TIMM8A: variants seen among roughly 807,000 people sequenced by gnomAD.
TIMM8A encodes mitochondrial import inner membrane translocase subunit Tim8 A.
A neutral mutation model predicts 6.8 loss-of-function variants in TIMM8A; 2 were observed. The ratio of observed to expected loss-of-function variants is 0.30; its 90% confidence interval spans 0.12 to 0.93. The LOEUF is 0.93. TIMM8A is among the 40% of genes least tolerant of loss of function. TIMM8A has a pLI of 0.55. For synonymous variants in TIMM8A, 26 were observed against 28.5 expected, an observed-to-expected ratio of 0.91 and a Z score of 0.28; for missense variants, 34 against 75.2, an observed-to-expected ratio of 0.45 and a Z score of 2.02.
At chrX:101,348,218 C>T (rs1362317005) in intron 1 of TIMM8A, 10 of 1,107,423 alleles carry the variant, frequency 9.0e-6, no homozygotes, top group Non-Finnish European at 1.1e-5. Context: ...GTACTGGGGG[C>T]TCCGATCAGT....
In TIMM8A at chrX:101,348,704, A is replaced by C. The variant is rs782572807; in HGVS notation, c.-40T>G. 2 of 1,205,693 alleles carry C rather than the reference A, an allele frequency of 1.7e-6. No individual in the cohort carries two copies. The highest frequency in any genetic ancestry group is 2.2e-6 in the Non-Finnish European group (2 of 892,619). On this transcript the variant is annotated 5_prime_UTR_variant, in exon 1 of 2. Coordinates refer to ENST00000372902, the MANE Select transcript of TIMM8A (RefSeq NM_004085.4). Reference sequence around the variant, plus strand: ...GCTTGCAGAGACGAACTCCGCACCGACCTTCACGTGTCTCCGCGACGGAAC... The same window carrying C: ...GCTTGCAGAGACGAACTCCGCACCGCCCTTCACGTGTCTCCGCGACGGAAC...
chrX:101,348,364 G>T, intron 1 of TIMM8A, 169 bp downstream of exon 1: 1 of 1,172,105 alleles, frequency 8.5e-7, no homozygotes, highest in East Asian at 3.2e-5. Flanking sequence ...CCAGAGAAGC[G>T]GAGTCACCCT....
In TIMM8A at chrX:101,345,811, A is replaced by T. The variant is rs1208124631; in HGVS notation, c.*688T>A. The T allele has an allele frequency of 5.3e-6, 4 of 751,651 alleles. No homozygotes were observed. The African/African-American group carries it at 9.4e-5, about 18-fold the overall frequency. 61.9% of individuals were successfully genotyped at this position (751,651 alleles called of 1,213,427 possible). On this transcript the variant is annotated 3_prime_UTR_variant, in exon 2 of 2. Coordinates refer to ENST00000372902, the MANE Select transcript of TIMM8A (RefSeq NM_004085.4). ...ATAACTTATTTAGGCACATCACTGAATTTTTTGTACCCTGATATACAGGGT... is the reference window on the plus strand; with the variant it reads ...ATAACTTATTTAGGCACATCACTGATTTTTTTGTACCCTGATATACAGGGT...
rs3027653 is a variant in TIMM8A at position 101,346,273 on chromosome X, G to A, written c.*226C>T. The A allele has an allele frequency of 6.7e-3, 7,151 of 1,061,994 alleles. 21 individuals are homozygous for A. Among genetic ancestry groups the A allele is most frequent in the Non-Finnish European group, 7.9e-3 (6,554 of 826,457 alleles). 87.5% of individuals were successfully genotyped at this position (1,061,994 alleles called of 1,213,427 possible). On this transcript the variant is annotated 3_prime_UTR_variant, in exon 2 of 2. Coordinates refer to ENST00000372902, the MANE Select transcript of TIMM8A (RefSeq NM_004085.4). ...ATGCATCTAAATAGAGTTTTCTTTCGCCTGTCAATTATTTTCACAAGATTA... is the reference window on the plus strand; with the variant it reads ...ATGCATCTAAATAGAGTTTTCTTTCACCTGTCAATTATTTTCACAAGATTA...
intron 1 of TIMM8A, chrX:101,347,877 G>A (rs948305488): frequency 4.4e-5 from 9 of 203,968 alleles, no homozygotes; most frequent in Non-Finnish European, 7.5e-6. Context: ...GTACATTAAG[G>A]GAGATCTGTC....
At chrX:101,348,385 G>C (rs1555976344) in intron 1 of TIMM8A, 148 bp downstream of exon 1, 11 of 1,181,166 alleles carry the variant, frequency 9.3e-6, no homozygotes. Flanking sequence ...TCTCCCATCC[G>C]GCTAGGCCAC....
chrX:101,346,916 A>C, intron 1 of TIMM8A: 1 of 319,276 alleles, frequency 3.1e-6, no homozygotes, highest in Non-Finnish European at 5.4e-6. Context: ...AAACTGTGGC[A>C]CAGAGATACT....
chrX:101,345,710 G>A lies in TIMM8A; in HGVS notation c.*789C>T. ...CAGTGATCAGAAGAATGCAGTAAAT[G>A]GAATCTACACTAACTAACATTAGGC... is the stretch of plus-strand genomic sequence containing the variant. On this transcript the variant is annotated 3_prime_UTR_variant, in exon 2 of 2. Coordinates refer to ENST00000372902, the MANE Select transcript of TIMM8A (RefSeq NM_004085.4). 1 of 752,953 alleles carries A rather than the reference G, an allele frequency of 1.3e-6. No individual in the cohort carries two copies. The highest frequency in any genetic ancestry group is 6.7e-5 in the South Asian group (1 of 14,817). 62.1% of individuals were successfully genotyped at this position (752,953 alleles called of 1,213,427 possible). A position where few individuals can be genotyped will look rare whatever the true frequency, so the allele number is the denominator to read the frequency against.
chrX:101,346,756 CTT>C (rs781817916), intron 1 of TIMM8A, 96 bp from the exon 2 acceptor site: 22 of 907,926 alleles, frequency 2.4e-5, no homozygotes, highest in Non-Finnish European at 3.1e-5. Flanking sequence ...GAAAAAAAAA[CTT>C]TACCTAAAAA....
intron 1 of TIMM8A, 48 bp from the exon 2 acceptor site, chrX:101,346,708 A>G: frequency 8.4e-7 from 1 of 1,185,885 alleles, no homozygotes; most frequent in Non-Finnish European, 1.1e-6. Context: ...GGAAAGAAAA[A>G]GACGGTTGGG....
Position 101,345,991 on chromosome X carries a change from G to C in TIMM8A, c.*508C>G, listed in dbSNP as rs1555976036. The C allele has an allele frequency of 1.5e-6, 1 of 675,494 alleles. No individual in the cohort carries two copies. The highest frequency in any genetic ancestry group is 5.8e-5 in the African/African-American group (1 of 17,321). The allele number at this position is 675,494 out of a possible 1,213,427, so 55.7% of individuals were successfully genotyped here. On this transcript the variant is annotated 3_prime_UTR_variant, in exon 2 of 2. Transcript: ENST00000372902. ...TAAGCAAATCATCATATAGGAAAGG[G>C]AGATCAAGATAACTGAAGTGTACTG...
rs1926150834 is a variant in TIMM8A at position 101,348,661 on chromosome X, C to G, written c.4G>C (p.Asp2His). 2 of 1,211,384 alleles carry G rather than the reference C, an allele frequency of 1.7e-6. No individual in the cohort carries two copies. The highest frequency in any genetic ancestry group is 5.9e-5 in the East Asian group (2 of 33,833). Reference sequence around the variant, plus strand: ...GCCGCGGAGGAAGAGGAGGAGGAATCCATCCCAGGGCGACCAAGCTTGCAG... The same window carrying G: ...GCCGCGGAGGAAGAGGAGGAGGAATGCATCCCAGGGCGACCAAGCTTGCAG... M[D>H]SSSSSSAAGL... Residue 2 changes from aspartate (D) to histidine (H), a missense_variant, in exon 1 of 2, where the codon GAT becomes CAT. Transcript: ENST00000372902.
chrX:101,348,497 G>A, intron 1 of TIMM8A, 36 bp downstream of exon 1: 1 of 1,205,698 alleles, frequency 8.3e-7, no homozygotes, highest in Non-Finnish European at 1.1e-6. Context: ...AGGGAAAGTA[G>A]GTACAGTGTT....
At position 101,348,589 on chromosome X, in the gene TIMM8A, C is replaced by G. The variant is rs782391267; in HGVS notation, c.76G>C (p.Glu26Gln). 1 of 1,211,857 alleles carries G rather than the reference C, an allele frequency of 8.3e-7. No homozygotes were observed. The highest frequency in any genetic ancestry group is 1.8e-5 in the South Asian group (1 of 57,007). The stretch of plus-strand genomic sequence containing the variant: ...TGCTGGAAGCGCTGCTTTTGAGTCT[C>G]TACCTCGATGAAATGCTGCAACTGC... ...DPQLQHFIEV[E>Q]TQKQRFQQLV... The change falls in exon 1 of 2, where the codon GAG becomes CAG. Residue 26 changes from glutamate to glutamine, a missense_variant. Glu to Gln is a conservative substitution (Grantham distance 29, BLOSUM62 2). Coordinates refer to ENST00000372902, the MANE Select transcript of TIMM8A (RefSeq NM_004085.4).
Position 101,345,913 on chromosome X carries a change from T to C in TIMM8A, c.*586A>G, listed in dbSNP as rs1926055966. On this transcript the variant is annotated 3_prime_UTR_variant, in exon 2 of 2. Coordinates refer to ENST00000372902, the MANE Select transcript of TIMM8A (RefSeq NM_004085.4). ...CTAGATTCCTTTATAACTAAAGGCC[T>C]CTAGACTCTCAGGCTGCCTACCCTA... 1 of 752,754 alleles carries C rather than the reference T, an allele frequency of 1.3e-6. No individual in the cohort carries two copies. The highest frequency in any genetic ancestry group is 6.8e-5 in the South Asian group (1 of 14,710). 62.0% of individuals were successfully genotyped at this position (752,754 alleles called of 1,213,427 possible).
chrX:101,347,975 A>C, intron 1 of TIMM8A: 1 of 791,692 alleles, frequency 1.3e-6, no homozygotes. Flanking sequence ...TCAATTCCTC[A>C]ACCTTCAGAC....
Position 101,345,834 on chromosome X carries a change from G to T in TIMM8A, c.*665C>A, listed in dbSNP as rs1246665825. 1 of 751,111 alleles carries T rather than the reference G, an allele frequency of 1.3e-6. No homozygotes were observed. The highest frequency in any genetic ancestry group is 8.9e-5 in the Admixed American group (1 of 11,186). 61.9% of individuals were successfully genotyped at this position (751,111 alleles called of 1,213,427 possible). A position where few individuals can be genotyped will look rare whatever the true frequency, so the allele number is the denominator to read the frequency against. On this transcript the variant is annotated 3_prime_UTR_variant, in exon 2 of 2. Coordinates refer to ENST00000372902, the MANE Select transcript of TIMM8A (RefSeq NM_004085.4). ...GAATTTTTTGTACCCTGATATACAG[G>T]GTAAGTTAATTTCTTCCTTGTGGCA...
In TIMM8A at chrX:101,345,780, A is replaced by G. The variant is rs1246605640; in HGVS notation, c.*719T>C. The G allele has an allele frequency of 2.7e-6, 2 of 751,014 alleles. No individual in the cohort carries two copies. The highest frequency in any genetic ancestry group is 4.7e-5 in the African/African-American group (2 of 42,146). 61.9% of individuals were successfully genotyped at this position (751,014 alleles called of 1,213,427 possible). ...TGCTGTTAGCTTCTGATTGGCCTAA[A>G]TCTTTATAACTTATTTAGGCACATC... On this transcript the variant is annotated 3_prime_UTR_variant, in exon 2 of 2. Coordinates refer to ENST00000372902, the MANE Select transcript of TIMM8A (RefSeq NM_004085.4).
Position 101,345,992 on chromosome X carries a change from A to AAAT in TIMM8A, c.*506_*507insATT, listed in dbSNP as rs1926059031. 1 of 669,247 alleles carries AAAT rather than the reference A, an allele frequency of 1.5e-6. No individual in the cohort carries two copies. Among genetic ancestry groups the AAAT allele is most frequent in the African/African-American group, 5.9e-5 (1 of 16,975 alleles). The allele number at this position is 669,247 out of a possible 1,213,427, so 55.2% of individuals were successfully genotyped here. ...AAGCAAATCATCATATAGGAAAGGG[A>AAAT]GATCAAGATAACTGAAGTGTACTGT... On this transcript the variant is annotated 3_prime_UTR_variant, in exon 2 of 2. Coordinates refer to ENST00000372902, the MANE Select transcript of TIMM8A (RefSeq NM_004085.4).
Sources: gnomAD v4.1 joint callset for allele counts on GRCh38, gnomAD v4.1.1 for gene constraint, MANE v1.5 for transcripts, NCBI Gene and HGNC (gene_info 2026-07-23, HGNC 2026-07-21) for gene names.